MAGI2: variants seen among roughly 807,000 people sequenced by gnomAD.
MAGI2 encodes membrane associated guanylate kinase, WW and PDZ domain containing 2, also known as membrane-associated guanylate kinase, WW and PDZ domain-containing protein 2.
MAGI2 carries 35 observed loss-of-function variants against 133.3 expected under a neutral mutation model. The observed-to-expected ratio is 0.26, with a 90% CI of 0.20 to 0.35. The LOEUF (loss-of-function observed/expected upper bound fraction) is 0.35. MAGI2 is among the 10% of genes least tolerant of loss of function. MAGI2 has a pLI of 1.00. For synonymous variants in MAGI2, 729 were observed against 710.6 expected (o/e 1.03, Z -0.41); for missense variants, 1,636 against 1,863.4 (o/e 0.88, Z 2.25).
intron 12 of MAGI2, among the ~76,000 whole-genome samples, chr7:78,189,876 A>AAC (rs1828044961): frequency 6.6e-6 from 1 of 152,188 alleles, no homozygotes; most frequent in African/African-American, 2.4e-5. Context: ...ATCCTGTATC[A>AAC]ACACACCCAT....
chr7:79,145,562 G>A (rs1822537917), intron 1 of MAGI2, among the ~76,000 whole-genome samples: 1 of 151,736 alleles, frequency 6.6e-6, no homozygotes, highest in African/African-American at 2.4e-5. Flanking sequence ...TTCCTGCTGT[G>A]AAAATACAAG....
chr7:79,102,396 A>G (rs1449985739), intron 1 of MAGI2, among the ~76,000 whole-genome samples: 6 of 152,202 alleles, frequency 3.9e-5, no homozygotes, highest in African/African-American at 1.4e-4. Context: ...AGCAAATTCT[A>G]GATCTTTTAT....
chr7:78,753,927 T>C (rs1445863699), intron 2 of MAGI2, among the ~76,000 whole-genome samples: 1 of 152,070 alleles, frequency 6.6e-6, no homozygotes, highest in Non-Finnish European at 1.5e-5. Flanking sequence ...CTAGTAAAAG[T>C]ATCCTTCAAG....
intron 2 of MAGI2, among the ~76,000 whole-genome samples, chr7:79,005,676 T>C (rs1234728726): frequency 1.3e-5 from 2 of 152,186 alleles, no homozygotes; most frequent in African/African-American, 4.8e-5. Context: ...ATCTCCTTTC[T>C]TTCATGTCAC....
intron 2 of MAGI2, among the ~76,000 whole-genome samples, chr7:78,936,900 G>A (rs918331858): frequency 6.6e-6 from 1 of 151,948 alleles, no homozygotes; most frequent in African/African-American, 2.4e-5. Context: ...AAACATATAT[G>A]CCTGCTTGAG....
At chr7:79,039,965 T>G (rs1240428034) in intron 1 of MAGI2, among the ~76,000 whole-genome samples, 1 of 151,146 alleles carries the variant, frequency 6.6e-6, no homozygotes, top group Non-Finnish European at 1.5e-5. Context: ...TGGAGGACAT[T>G]ATGTTAAGTG....
intron 1 of MAGI2, among the ~76,000 whole-genome samples, chr7:79,385,560 C>A (rs1330747967): frequency 6.8e-6 from 1 of 146,690 alleles, no homozygotes; most frequent in East Asian, 2.0e-4. Context: ...ATTTTCCTTA[C>A]CCATTTTTGA....
At chr7:78,736,986 G>A (rs1585240666) in intron 2 of MAGI2, among the ~76,000 whole-genome samples, 2 of 152,212 alleles carry the variant, frequency 1.3e-5, no homozygotes, top group East Asian at 3.8e-4. Context: ...GACACTTTGT[G>A]CATGAAGTAC....
At chr7:78,622,750 G>T (rs1807883689) in intron 3 of MAGI2, among the ~76,000 whole-genome samples, 1 of 151,998 alleles carries the variant, frequency 6.6e-6, no homozygotes, top group African/African-American at 2.4e-5. Context: ...AAGATCCTGA[G>T]GTTTGAGAAC....
intron 6 of MAGI2, among the ~76,000 whole-genome samples, chr7:78,481,428 C>T (rs1792362371): frequency 6.6e-6 from 1 of 151,918 alleles, no homozygotes; most frequent in Non-Finnish European, 1.5e-5. Flanking sequence ...TCATTTCCCT[C>T]TCTTGACACA....
intron 2 of MAGI2, among the ~76,000 whole-genome samples, chr7:78,830,639 A>G (rs1791063137): frequency 6.6e-6 from 1 of 152,212 alleles, no homozygotes; most frequent in South Asian, 2.1e-4. Context: ...CTGTCTGCAT[A>G]AAATATTCAA....
At chr7:78,423,201 T>A (rs1281833267) in intron 6 of MAGI2, among the ~76,000 whole-genome samples, 1 of 152,124 alleles carries the variant, frequency 6.6e-6, no homozygotes, top group Non-Finnish European at 1.5e-5. Context: ...AGATCTTTCC[T>A]GTGATCTTCT....
intron 9 of MAGI2, among the ~76,000 whole-genome samples, chr7:78,318,223 T>C (rs1787629863): frequency 6.6e-6 from 1 of 151,884 alleles, no homozygotes; most frequent in Non-Finnish European, 1.5e-5. Flanking sequence ...CTAAGAACCT[T>C]GAAAAAAGGT....
chr7:78,137,299 A>G (rs899805411), intron 16 of MAGI2, among the ~76,000 whole-genome samples: 3 of 152,152 alleles, frequency 2.0e-5, no homozygotes, highest in Admixed American at 2.0e-4. Flanking sequence ...AACTTCTCTG[A>G]GTCTGTTTTT....
At position 78,369,186 on chromosome 7, in the gene MAGI2, T is replaced by C. The variant is rs766217338; in HGVS notation, c.1073A>G (p.Asp358Gly). 5.0e-6 allele frequency: 8 copies of C among 1,605,306 alleles called. No homozygotes were observed. The highest frequency in any genetic ancestry group is 1.7e-4 in the Middle Eastern group (1 of 5,960). The change falls in exon 7 of 22, where the codon GAT (aspartate) becomes GGT (glycine). Residue 358 changes from aspartate (D) to glycine (G), a missense_variant. Asp to Gly is a moderately conservative substitution (Grantham distance 94, BLOSUM62 -1). Coordinates refer to ENST00000354212, the MANE Select transcript of MAGI2 (RefSeq NM_012301.4). The part of the protein sequence containing the change: ...NELPYGWEKI[D>G]DPIYGTYYVD... ...ATAATAAGTGCCATAAATGGGATCATCGATTTTTTCCCAGCCATATGGAAG... is the reference window on the plus strand; with the variant it reads ...ATAATAAGTGCCATAAATGGGATCACCGATTTTTTCCCAGCCATATGGAAG...
At chr7:79,224,821 G>A (rs934025161) in intron 1 of MAGI2, among the ~76,000 whole-genome samples, 2 of 152,158 alleles carry the variant, frequency 1.3e-5, no homozygotes, top group African/African-American at 2.4e-5. Flanking sequence ...GGTAGGGGTA[G>A]GGCATTGACT....
intron 3 of MAGI2, among the ~76,000 whole-genome samples, chr7:78,542,828 A>G (rs1798524461): frequency 1.3e-5 from 2 of 152,276 alleles, no homozygotes; most frequent in South Asian, 2.1e-4. Context: ...GGCTAACTGG[A>G]TTTTATTTAA....
intron 2 of MAGI2, among the ~76,000 whole-genome samples, chr7:78,789,149 A>T (rs563589501): frequency 1.3e-5 from 2 of 152,326 alleles, no homozygotes; most frequent in Admixed American, 6.5e-5. Context: ...ATTGTAAGCT[A>T]CTGAAGGACA....
At chr7:78,248,570 T>C (rs933378928) in intron 10 of MAGI2, among the ~76,000 whole-genome samples, 6 of 152,110 alleles carry the variant, frequency 3.9e-5, no homozygotes, top group African/African-American at 9.7e-5. Context: ...AATAAAGGGA[T>C]AGAAGAAGAT....
Sources: allele counts gnomAD v4.1 joint callset (sites outside exome capture counted in the v4.1 genomes callset), GRCh38; gene constraint gnomAD v4.1.1; transcripts MANE v1.5; gene names NCBI Gene and HGNC (gene_info 2026-07-23, HGNC 2026-07-21).